Variants in ELOA observed in about 807,000 individuals in gnomAD.
The protein encoded by ELOA is elongin-A.
Under a neutral mutation model 85.2 loss-of-function variants are expected in ELOA, and 15 were observed. That is an observed-to-expected ratio of 0.18 (90% confidence interval 0.12 to 0.27). The LOEUF is 0.27. Ranked by LOEUF, ELOA falls within the 10% of genes least tolerant of loss-of-function variation. ELOA has a pLI of 1.00. For missense variants in ELOA, 769 were observed against 952.7 expected (o/e 0.81, Z 2.54); for synonymous variants, 348 against 357.2 (o/e 0.97, Z 0.29).
At position 23,751,385 on chromosome 1, in the gene ELOA, T is replaced by G; in HGVS notation, c.780T>G (p.Asp260Glu). 1 of 1,614,168 alleles carries G rather than the reference T, an allele frequency of 6.2e-7. No individual in the cohort carries two copies. The highest frequency in any genetic ancestry group is 8.5e-7 in the Non-Finnish European group (1 of 1,180,036). Residue 260 changes from aspartate to glutamate, a missense_variant, in exon 4 of 11, where the codon GAT becomes GAG. Physicochemically the swap from Asp to Glu is conservative, Grantham distance 45. This residue lies in a region of ELOA where 440 missense variants were observed against 474.0 expected (regional missense o/e 0.93). Coordinates refer to ENST00000613537, the MANE Select transcript of ELOA (RefSeq NM_003198.3). ...AACGCCCCGTGGATGCCAAGAGTGATGAGAAGGCCTCTGTGGTGAGCAGAG... is the reference window on the plus strand; with the variant it reads ...AACGCCCCGTGGATGCCAAGAGTGAGGAGAAGGCCTCTGTGGTGAGCAGAG... ...KDKRPVDAKS[D>E]EKASVVSREK...
At chr1:23,754,015 G>A in intron 5 of ELOA, 85 bp from the exon 6 acceptor site, 2 of 1,512,632 alleles carry the variant, frequency 1.3e-6, no homozygotes, top group Non-Finnish European at 1.8e-6. Flanking sequence ...TTGCCATTGG[G>A]AAAGGGAAGT....
At chr1:23,756,932 C>T in intron 9 of ELOA, 21 bp from the exon 10 acceptor site, 1 of 1,469,076 alleles carries the variant, frequency 6.8e-7, no homozygotes, top group African/African-American at 1.4e-5. Context: ...CATGCCTAAC[C>T]AGTGTTGTCC....
chr1:23,751,498 T>C lies in ELOA; in HGVS notation c.893T>C (p.Val298Ala). The change falls in exon 4 of 11, where the codon GTA (valine) becomes GCA (alanine). Residue 298 changes from valine to alanine, a missense_variant. Around this residue, in one of 4 missense-constraint regions of ELOA, gnomAD observed 440 missense variants for 474.0 expected, o/e 0.93. Transcript: ENST00000613537. The part of the protein sequence containing the change: ...NAREKPPSSG[V>A]KKEKDREGSS... ...AGGGAGAAACCGCCCTCTAGTGGCG[T>C]AAAGAAAGAGAAGGACAGAGAGGGC... 1.2e-6 allele frequency: 2 copies of C among 1,613,624 alleles called. No homozygotes were observed. Among genetic ancestry groups the C allele is most frequent in the Non-Finnish European group, 1.7e-6 (2 of 1,179,942 alleles).
chr1:23,759,329 C>T (rs554902842), intron 10 of ELOA, among the ~76,000 whole-genome samples, 183 bp from the exon 11 acceptor site: 2 of 152,208 alleles, frequency 1.3e-5, no homozygotes, highest in East Asian at 1.9e-4. Context: ...GCAGGTCCTC[C>T]GAAAGTGTCT....
chr1:23,743,681 G>C (rs1405347127), intron 1 of ELOA, 103 bp downstream of exon 1: 1 of 1,286,106 alleles, frequency 7.8e-7, no homozygotes, highest in Non-Finnish European at 1.0e-6. Context: ...GGGACCCTGA[G>C]CCAGGCCCCG....
chr1:23,749,543 TGC>T (rs1338360092), intron 2 of ELOA, among the ~76,000 whole-genome samples: 1 of 152,222 alleles, frequency 6.6e-6, no homozygotes, highest in Non-Finnish European at 1.5e-5. Context: ...GTCTGATTCC[TGC>T]TTCACAGGGT....
In ELOA at chr1:23,755,900, G is replaced by A. The variant is rs749089364; in HGVS notation, c.1849G>A (p.Glu617Lys). 9 of 1,613,604 alleles carry A rather than the reference G, an allele frequency of 5.6e-6. No individual in the cohort carries two copies. The highest frequency in any genetic ancestry group is 1.7e-6 in the Non-Finnish European group (2 of 1,179,950). The change falls in exon 8 of 11, where the codon GAA becomes AAA. Residue 617 changes from glutamate to lysine, a missense_variant. By Grantham distance (56) the Glu-to-Lys change is moderately conservative (BLOSUM62 1). Coordinates refer to ENST00000613537, the MANE Select transcript of ELOA (RefSeq NM_003198.3). ...WKVHCHRDFK[E>K]ERPEEYESWR... ...AGTTCATTGTCACCGAGACTTTAAG[G>A]AAGAAAGACCCGAAGAGTATGAGTC...
Position 23,743,472 on chromosome 1 carries a change from G to A in ELOA, c.-32G>A, listed in dbSNP as rs12086741. The A allele has an allele frequency of 6.7e-7, 1 of 1,501,294 alleles. No individual in the cohort carries two copies. The highest frequency in any genetic ancestry group is 8.8e-7 in the Non-Finnish European group (1 of 1,131,236). 93.0% of individuals were successfully genotyped at this position (1,501,294 alleles called of 1,614,324 possible). A position where few individuals can be genotyped will look rare whatever the true frequency, so the allele number is the denominator to read the frequency against. On this transcript the variant is annotated 5_prime_UTR_variant, in exon 1 of 11. Transcript: ENST00000613537. ...GGCCCGAGGACGCGACGCGAGCCCA[G>A]TTCCGGCGAGGAGGCCGCGCCAGTG...
At chr1:23,759,442 C>A (rs2148389814) in intron 10 of ELOA, 70 bp from the exon 11 acceptor site, 1 of 1,514,878 alleles carries the variant, frequency 6.6e-7, no homozygotes, top group African/African-American at 1.4e-5. Context: ...CTGGCTTTGA[C>A]TGTAAACTAC....
rs376300877 is a variant in ELOA, at chr1:23,756,356, G to A, written c.2055G>A (p.Thr685=). ...DVRRRQEKFG[T]GGAAVPEKIK... is the part of the protein sequence containing the mutation. Reference sequence around the variant, plus strand: ...GGAGGAGGCAGGAAAAGTTTGGAACGGGAGGAGCAGCTGTCCCTGAGAAAA... The same window carrying A: ...GGAGGAGGCAGGAAAAGTTTGGAACAGGAGGAGCAGCTGTCCCTGAGAAAA... Residue 685 remains threonine, a synonymous_variant, in exon 9 of 11, where the codon ACG becomes ACA. Transcript: ENST00000613537. The A allele has an allele frequency of 9.6e-5, 152 of 1,579,762 alleles. 1 individual carries two copies. The highest frequency in any genetic ancestry group is 1.2e-4 in the Non-Finnish European group (136 of 1,162,438).
chr1:23,749,619 A>G (rs1644760265), intron 2 of ELOA, among the ~76,000 whole-genome samples: 1 of 152,160 alleles, frequency 6.6e-6, no homozygotes, highest in Non-Finnish European at 1.5e-5. Context: ...CACCTGCCCT[A>G]ATCACTCTTG....
chr1:23,743,578 G>A lies in ELOA; in HGVS notation c.75G>A (p.Lys25=). ...ARLAANPDPK[K]LLKYLKKLST... Reference sequence around the variant, plus strand: ...TGGCCGCGAACCCGGACCCTAAGAAGGTAAGCGAGGGGGCGGCGCGTAGCG... The same window carrying A: ...TGGCCGCGAACCCGGACCCTAAGAAAGTAAGCGAGGGGGCGGCGCGTAGCG... The change falls in exon 1 of 11, where the codon AAG becomes AAA. Residue 25 remains lysine (K), a splice_region_variant and synonymous_variant. Coordinates refer to ENST00000613537, the MANE Select transcript of ELOA (RefSeq NM_003198.3). 2 of 1,485,594 alleles carry A rather than the reference G, an allele frequency of 1.3e-6. No individual in the cohort carries two copies. The highest frequency in any genetic ancestry group is 1.8e-6 in the Non-Finnish European group (2 of 1,122,032). The allele number at this position is 1,485,594 out of a possible 1,614,324, so 92.0% of individuals were successfully genotyped here.
rs1396140572 is a variant in ELOA, at chr1:23,760,714, TGA to T, written c.*1143_*1144del. On this transcript the variant is annotated 3_prime_UTR_variant, in exon 11 of 11. Transcript: ENST00000613537. ...TGCTGCTGAAGTGTTTTCTACCTTC[TGA>T]GTGTGTTTAAGGCAGGATTTGGAGG... 6.6e-6 allele frequency: 1 copy of T among 152,226 alleles called. No homozygotes were observed. Among genetic ancestry groups the T allele is most frequent in the Non-Finnish European group, 1.5e-5 (1 of 68,076 alleles). 9.4% of individuals were successfully genotyped at this position (152,226 alleles called of 1,614,324 possible).
At position 23,746,162 on chromosome 1, in the gene ELOA, G is replaced by A. The variant is rs190053753; in HGVS notation, c.75+2584G>A. The stretch of plus-strand genomic sequence containing the variant: ...AAATTAGCCAGGTGTGGTGGCAGGC[G>A]CCTGTAATCCCAGCTGCTCGGGAGG... On this transcript the variant is annotated intron_variant, in intron 1 of 10. Transcript: ENST00000613537. Among the ~76,000 whole-genome samples the A allele has an allele frequency of 1.7e-3, 252 of 150,808 alleles. 1 individual carries two copies. Among genetic ancestry groups the A allele is most frequent in the African/African-American group, 5.8e-3 (236 of 40,966 alleles).
chr1:23,748,989 G>T lies in ELOA; in HGVS notation c.76-32G>T. The T allele has an allele frequency of 1.9e-6, 3 of 1,579,706 alleles. No individual in the cohort carries two copies. In the South Asian group the frequency reaches 3.3e-5, roughly 18 times the overall value. The stretch of plus-strand genomic sequence containing the variant: ...CAGATATTCTTGTTAAAGTGAATTT[G>T]ACTATTGAAATTAATGTTTTCTTCT... On this transcript the variant is annotated intron_variant, in intron 1 of 10. Transcript: ENST00000613537.
At chr1:23,744,231 G>A (rs1055677286) in intron 1 of ELOA, 1 of 152,286 alleles carries the variant, frequency 6.6e-6, no homozygotes, top group Non-Finnish European at 1.5e-5. Flanking sequence ...CCCGGGGTTG[G>A]AAGTCGCAGC....
At chr1:23,745,630 G>A (rs1570588973) in intron 1 of ELOA, among the ~76,000 whole-genome samples, 1 of 151,348 alleles carries the variant, frequency 6.6e-6, no homozygotes, top group African/African-American at 2.4e-5. Flanking sequence ...GATCATTTTT[G>A]CAAAGGGCAT....
At position 23,758,250 on chromosome 1, in the gene ELOA, TATTTA is replaced by T. The variant is rs1557456628; in HGVS notation, c.2257+1126_2257+1130del. Among the ~76,000 whole-genome samples the T allele has an allele frequency of 7.8e-4, 45 of 57,348 alleles. 1 individual carries two copies. The highest frequency in any genetic ancestry group is 2.6e-3 in the African/African-American group (35 of 13,566). The allele number at this position is 57,348 out of a possible 152,430, so 37.6% of individuals were successfully genotyped here. ...TTATATCTAATTGGGTCTTCCAATT[TATTTA>T]TTTATTTTTTTTTTTTTTTTTTTTT... On this transcript the variant is annotated intron_variant, in intron 10 of 10. Transcript: ENST00000613537.
At chr1:23,754,317 G>A (rs993639907) in intron 6 of ELOA, 46 bp from the exon 7 acceptor site, 39 of 1,614,120 alleles carry the variant, frequency 2.4e-5, no homozygotes, top group Non-Finnish European at 3.1e-5. Context: ...TTATCACTGG[G>A]TGGCTTGGCT....
Sources: gnomAD v4.1 joint callset for allele counts (sites outside exome capture counted in the v4.1 genomes callset) on GRCh38, gnomAD v4.1.1 for gene constraint, gnomAD v4.1.1 regional missense constraint, MANE v1.5 for transcripts, NCBI Gene and HGNC (gene_info 2026-07-23, HGNC 2026-07-21) for gene names.